Variants in NALF1 observed in about 807,000 individuals in gnomAD.
The protein encoded by NALF1 is family with sequence similarity 155 member A.
A neutral mutation model predicts 48.4 loss-of-function variants in NALF1; 3 were observed. The observed-to-expected ratio is 0.06, with a 90% CI of 0.03 to 0.16. The LOEUF (loss-of-function observed/expected upper bound fraction) is 0.16, where lower values mean the gene tolerates loss of function less well. Ranked by LOEUF, NALF1 falls within the 10% of genes least tolerant of loss-of-function variation. The pLI is 1.00. For synonymous variants in NALF1, 262 were observed against 245.7 expected (o/e 1.07, Z -0.62); for missense variants, 526 against 571.5 (o/e 0.92, Z 0.81).
At chr13:107,678,765 C>A (rs189046074) in intron 1 of NALF1, among the ~76,000 whole-genome samples, 2 of 152,260 alleles carry the variant, frequency 1.3e-5, no homozygotes, top group Admixed American at 1.3e-4. Context: ...TAGGGAAGAG[C>A]CCCTTATAAA....
At chr13:107,570,963 AT>A (rs1449826940) in intron 1 of NALF1, among the ~76,000 whole-genome samples, 3 of 152,236 alleles carry the variant, frequency 2.0e-5, no homozygotes, top group African/African-American at 7.2e-5. Flanking sequence ...TGAGATTTGT[AT>A]ATTTTAGTTC....
chr13:107,745,694 T>C (rs1876762987), intron 1 of NALF1, among the ~76,000 whole-genome samples: 1 of 152,116 alleles, frequency 6.6e-6, no homozygotes, highest in Non-Finnish European at 1.5e-5. Flanking sequence ...CAGGGTGATA[T>C]GGTTTGGCTG....
intron 1 of NALF1, among the ~76,000 whole-genome samples, chr13:107,784,693 A>C (rs546995874): frequency 2.6e-5 from 4 of 152,254 alleles, no homozygotes; most frequent in Non-Finnish European, 4.4e-5. Flanking sequence ...ATAAAACCAC[A>C]ATGCGATACC....
rs1878690262 is a variant in NALF1, at chr13:107,167,653, G to A, written c.*2844C>T. The A allele has an allele frequency of 6.6e-6, 1 of 152,146 alleles. No individual in the cohort carries two copies. Among genetic ancestry groups the A allele is most frequent in the Non-Finnish European group, 1.5e-5 (1 of 68,032 alleles). The allele number at this position is 152,146 out of a possible 1,614,324, so 9.4% of individuals were successfully genotyped here. ...TGCTGGCTGACTTGATGGGGAGAAA[G>A]GACTCATTCCCCTTCCCTCCTTACC... On this transcript the variant is annotated 3_prime_UTR_variant, in exon 3 of 3. Coordinates refer to ENST00000375915, the MANE Select transcript of NALF1 (RefSeq NM_001080396.3).
chr13:107,541,911 T>C (rs533287326), intron 1 of NALF1, among the ~76,000 whole-genome samples: 2 of 152,004 alleles, frequency 1.3e-5, no homozygotes, highest in Admixed American at 6.6e-5. Flanking sequence ...GTCCAAAAGA[T>C]TCCTTGATAA....
intron 1 of NALF1, among the ~76,000 whole-genome samples, chr13:107,674,681 A>T (rs1051882966): frequency 5.3e-5 from 8 of 152,180 alleles, no homozygotes; most frequent in African/African-American, 1.9e-4. Flanking sequence ...TACAATACAT[A>T]CACAGACTAA....
chr13:107,802,160 T>C (rs963062709), intron 1 of NALF1, among the ~76,000 whole-genome samples: 1 of 152,180 alleles, frequency 6.6e-6, no homozygotes, highest in Non-Finnish European at 1.5e-5. Flanking sequence ...TAAACCATCA[T>C]TTGTTTGTGT....
At chr13:107,683,012 C>T (rs949590693) in intron 1 of NALF1, among the ~76,000 whole-genome samples, 5 of 152,156 alleles carry the variant, frequency 3.3e-5, no homozygotes, top group African/African-American at 7.2e-5. Context: ...CCTGTAATCC[C>T]AGCACTTTGG....
At chr13:107,800,959 A>C (rs1214244200) in intron 1 of NALF1, among the ~76,000 whole-genome samples, 2 of 152,018 alleles carry the variant, frequency 1.3e-5, no homozygotes, top group Non-Finnish European at 2.9e-5. Context: ...TCAATGAACT[A>C]TCTTATACTA....
intron 1 of NALF1, among the ~76,000 whole-genome samples, chr13:107,481,711 G>A (rs913152356): frequency 1.3e-5 from 2 of 152,198 alleles, no homozygotes; most frequent in South Asian, 4.2e-4. Flanking sequence ...GTGTTATGAG[G>A]GCTTCAAGGG....
rs58312271 is a variant in NALF1, at chr13:107,674,840, G to T, written c.915+190842C>A. Among the ~76,000 whole-genome samples, 1,149 of 152,320 alleles carry T rather than the reference G, an allele frequency of 7.5e-3. 15 individuals are homozygous for T. The highest frequency in any genetic ancestry group is 0.025 in the African/African-American group (1,042 of 41,568). On this transcript the variant is annotated intron_variant, in intron 1 of 2. Transcript: ENST00000375915. ...TGGCAAAAGTGAAGGTCAAGTTGGGGAAAGTGTGTTGCCGAAATGTTTCTT... is the reference window on the plus strand; with the variant it reads ...TGGCAAAAGTGAAGGTCAAGTTGGGTAAAGTGTGTTGCCGAAATGTTTCTT...
At chr13:107,322,143 T>C (rs890308472) in intron 1 of NALF1, among the ~76,000 whole-genome samples, 3 of 152,214 alleles carry the variant, frequency 2.0e-5, no homozygotes, top group African/African-American at 7.2e-5. Context: ...GTCATGTGAA[T>C]CCAACCTTCT....
At chr13:107,427,001 T>G (rs1198895250) in intron 1 of NALF1, among the ~76,000 whole-genome samples, 2 of 151,882 alleles carry the variant, frequency 1.3e-5, no homozygotes, top group Admixed American at 6.6e-5. Flanking sequence ...CATAGAACAT[T>G]ATATAACAAA....
intron 1 of NALF1, among the ~76,000 whole-genome samples, chr13:107,491,593 G>A (rs1286169246): frequency 1.3e-5 from 2 of 152,116 alleles, no homozygotes; most frequent in Non-Finnish European, 2.9e-5. Context: ...TACGGAAGCA[G>A]AAGTAATAAC....
intron 1 of NALF1, among the ~76,000 whole-genome samples, chr13:107,704,511 T>A (rs1248743691): frequency 6.6e-6 from 1 of 152,184 alleles, no homozygotes; most frequent in African/African-American, 2.4e-5. Context: ...CCTCCCAAAG[T>A]TATTTTTTAG....
intron 1 of NALF1, among the ~76,000 whole-genome samples, chr13:107,245,746 A>C (rs1341876185): frequency 6.6e-6 from 1 of 152,206 alleles, no homozygotes; most frequent in Non-Finnish European, 1.5e-5. Context: ...TATTAAAATA[A>C]GGGATTTCTT....
rs1880772423 is a variant in NALF1 at position 107,867,314 on chromosome 13, G to T, written c.-718C>A. On this transcript the variant is annotated 5_prime_UTR_variant, in exon 1 of 3. Coordinates refer to ENST00000375915, the MANE Select transcript of NALF1 (RefSeq NM_001080396.3). The surrounding 1 kb of genome is among the most constrained non-coding windows in gnomAD (Gnocchi z 4.4). ...CCGCGCTCTAAGTGCTGCCGCCGCC[G>T]CCGCCGCCGCCGCCGCTGCCGCAGG... Among the ~76,000 whole-genome samples, 2 of 106,956 alleles carry T rather than the reference G, an allele frequency of 1.9e-5. No individual in the cohort carries two copies. Among genetic ancestry groups the T allele is most frequent in the Non-Finnish European group, 3.5e-5 (2 of 56,438 alleles). The allele number at this position is 106,956 out of a possible 152,430, so 70.2% of individuals were successfully genotyped here.
At chr13:107,772,641 G>C (rs1006362669) in intron 1 of NALF1, among the ~76,000 whole-genome samples, 1 of 152,134 alleles carries the variant, frequency 6.6e-6, no homozygotes, top group African/African-American at 2.4e-5. Flanking sequence ...TTTACAGCAG[G>C]CTTTTCTAAA....
intron 1 of NALF1, among the ~76,000 whole-genome samples, chr13:107,324,307 C>G (rs1882308835): frequency 6.6e-6 from 1 of 152,100 alleles, no homozygotes; most frequent in African/African-American, 2.4e-5. Flanking sequence ...GCTTTATATC[C>G]ATGAAAATCC....
Sources: allele counts gnomAD v4.1 joint callset (sites outside exome capture counted in the v4.1 genomes callset), GRCh38; gene constraint gnomAD v4.1.1; non-coding constraint Gnocchi (gnomAD v3.1); transcripts MANE v1.5; gene names NCBI Gene and HGNC (gene_info 2026-07-23, HGNC 2026-07-21).